The following ZNF644 variants were observed in gnomAD, a reference collection of about 807,000 sequenced individuals.
ZNF644 encodes zinc finger protein 644.
ZNF644 carries 20 observed loss-of-function variants against 108.0 expected under a neutral mutation model. The ratio of observed to expected loss-of-function variants is 0.19; its 90% CI spans 0.13 to 0.27. The LOEUF (loss-of-function observed/expected upper bound fraction) is 0.27. Among genes scored for constraint, ZNF644 ranks in the 10% least tolerant of loss-of-function variants. ZNF644 has a pLI of 1.00. For missense variants in ZNF644, 1,338 were observed against 1,548.9 expected, an observed-to-expected ratio of 0.86 and a Z score of 2.29; for synonymous variants, 542 against 539.1, an observed-to-expected ratio of 1.01 and a Z score of -0.08.
Position 91,022,021 on chromosome 1 carries a change from A to G in ZNF644, c.-49T>C, listed in dbSNP as rs1316961098. Reference sequence around the variant, plus strand: ...GTGCCGTGTGCGTCAAACCGGGGCGACGTTGGGAGCACGCGGCGTCCCCGC... The same window carrying G: ...GTGCCGTGTGCGTCAAACCGGGGCGGCGTTGGGAGCACGCGGCGTCCCCGC... On this transcript the variant is annotated 5_prime_UTR_variant, in exon 1 of 6. Coordinates refer to ENST00000337393, the MANE Select transcript of ZNF644 (RefSeq NM_201269.3). 8 of 398,694 alleles carry G rather than the reference A, an allele frequency of 2.0e-5. No homozygotes were observed. The highest frequency in any genetic ancestry group is 8.8e-5 in the Admixed American group (2 of 22,720). 24.7% of individuals were successfully genotyped at this position (398,694 alleles called of 1,614,324 possible).
intron 1 of ZNF644, among the ~76,000 whole-genome samples, chr1:90,999,676 C>T (rs1339990523): frequency 2.6e-5 from 4 of 152,172 alleles, no homozygotes; most frequent in East Asian, 1.9e-4. Context: ...GGCTCAAACT[C>T]GCACATAACA....
At chr1:90,971,319 G>T (rs1203158444) in intron 2 of ZNF644, among the ~76,000 whole-genome samples, 1 of 141,134 alleles carries the variant, frequency 7.1e-6, no homozygotes. Context: ...AAAAAAAAAA[G>T]ACAAAATTCA....
At chr1:90,962,109 C>G (rs528579409) in intron 2 of ZNF644, among the ~76,000 whole-genome samples, 1 of 152,138 alleles carries the variant, frequency 6.6e-6, no homozygotes, top group East Asian at 1.9e-4. Flanking sequence ...CACTCATGAA[C>G]TATAAGACCT....
intron 1 of ZNF644, among the ~76,000 whole-genome samples, chr1:91,015,212 G>A (rs1295624636): frequency 3.3e-5 from 5 of 152,024 alleles, no homozygotes; most frequent in Admixed American, 1.3e-4. Flanking sequence ...CTTAAAATCC[G>A]TGTTTGTGCT....
At chr1:90,996,364 T>C (rs1658143676) in intron 1 of ZNF644, among the ~76,000 whole-genome samples, 1 of 152,222 alleles carries the variant, frequency 6.6e-6, no homozygotes, top group South Asian at 2.1e-4. Flanking sequence ...CTCTGGAAAC[T>C]AGCCAAAGGC....
At chr1:90,987,521 G>T (rs774435003) in intron 1 of ZNF644, among the ~76,000 whole-genome samples, 10 of 152,020 alleles carry the variant, frequency 6.6e-5, no homozygotes, top group Non-Finnish European at 1.5e-5. Flanking sequence ...AGTAAACAGA[G>T]ATTGGATGCA....
chr1:90,990,292 A>T (rs1008111086), intron 1 of ZNF644, among the ~76,000 whole-genome samples: 1 of 152,208 alleles, frequency 6.6e-6, no homozygotes, highest in Admixed American at 6.5e-5. Flanking sequence ...TAAGATGGCA[A>T]ATTTACTGTT....
chr1:90,939,336 C>G lies in ZNF644; in HGVS notation c.2018G>C (p.Ser673Thr), dbSNP rs778949792. The G allele has an allele frequency of 6.2e-7, 1 of 1,613,998 alleles. No individual in the cohort carries two copies. Among genetic ancestry groups the G allele is most frequent in the Admixed American group, 1.7e-5 (1 of 59,998 alleles). The change falls in exon 3 of 6, where the codon AGT (serine) becomes ACT (threonine). Residue 673 changes from serine (S) to threonine (T), a missense_variant. This residue lies in a region of ZNF644 where 462 missense variants were observed against 472.6 expected (regional missense o/e 0.98). Coordinates refer to ENST00000337393, the MANE Select transcript of ZNF644 (RefSeq NM_201269.3). ...TGGCCGCTTATGAATTTTTGAAAAA[C>G]TACTTGATTGTGAGGTTGATCCAAA... The part of the protein sequence containing the change: ...RTFGSTSQSS[S>T]FSKIHKRPHR...
intron 2 of ZNF644, among the ~76,000 whole-genome samples, chr1:90,978,976 A>G (rs358689): frequency 0.35 from 53,956 of 152,072 alleles, 10,393 homozygotes; most frequent in Non-Finnish European, 0.44. Flanking sequence ...GAAGCTGCAG[A>G]AAGGAAAAGC....
intron 4 of ZNF644, among the ~76,000 whole-genome samples, chr1:90,927,395 T>G (rs1650167412): frequency 6.6e-6 from 1 of 152,194 alleles, no homozygotes; most frequent in Non-Finnish European, 1.5e-5. Context: ...AATAGCCTAA[T>G]TCTTGCTGGA....
chr1:90,941,129 A>G lies in ZNF644; in HGVS notation c.225T>C (p.Pro75=). 3.1e-6 allele frequency: 5 copies of G among 1,614,044 alleles called. No individual in the cohort carries two copies. The highest frequency in any genetic ancestry group is 4.2e-6 in the Non-Finnish European group (5 of 1,179,930). Residue 75 remains proline, a synonymous_variant, in exon 3 of 6, where the codon CCT becomes CCC. Coordinates refer to ENST00000337393, the MANE Select transcript of ZNF644 (RefSeq NM_201269.3). ...CAGATTTGTCCTTTGACAGTTCTTC[A>G]GGCAGAGTCAACGTATTATTTTTCT... ...SFQKNNTLTL[P]EELSKDKSEN...
At chr1:90,983,275 A>G (rs561043032) in intron 1 of ZNF644, among the ~76,000 whole-genome samples, 3 of 152,138 alleles carry the variant, frequency 2.0e-5, no homozygotes, top group Admixed American at 1.3e-4. Flanking sequence ...TCTAGAAAAG[A>G]TGAGATATTT....
Position 90,940,776 on chromosome 1 carries a change from T to A in ZNF644, c.578A>T (p.Lys193Ile), listed in dbSNP as rs1275581329. 2 of 1,613,976 alleles carry A rather than the reference T, an allele frequency of 1.2e-6. No homozygotes were observed. The highest frequency in any genetic ancestry group is 2.2e-5 in the South Asian group (2 of 91,078). The change falls in exon 3 of 6, where the codon AAA becomes ATA. Residue 193 changes from lysine to isoleucine, a missense_variant. Lys to Ile is a moderately radical substitution (Grantham distance 102). Transcript: ENST00000337393. ...ACCAACTGAAGCAGAGGTAGGTAGT[T>A]TTTTATTGGAATGGGTGGGATTCTT... The part of the protein sequence containing the change: ...HAKNPTHSNK[K>I]LPTSASVGCD...
In ZNF644 at chr1:90,934,053, T is replaced by C. The variant is rs945455710; in HGVS notation, c.3688+3432A>G. On this transcript the variant is annotated intron_variant, in intron 4 of 5. Transcript: ENST00000337393. ...TATGGTAACAATAATGATTTCCTAC[T>C]TGTATAGTCTCTTATTTTTATTGTT... Among the ~76,000 whole-genome samples the C allele has an allele frequency of 2.6e-5, 4 of 152,202 alleles. No individual in the cohort carries two copies. The East Asian group carries it at 7.7e-4, about 29-fold the overall frequency.
At chr1:90,918,215 A>T in intron 4 of ZNF644, 61 bp from the exon 5 acceptor site, 1 of 1,385,236 alleles carries the variant, frequency 7.2e-7, no homozygotes, top group Non-Finnish European at 1.0e-6. Flanking sequence ...ACATACACAC[A>T]TATTTTTCTA....
At chr1:90,966,022 C>T (rs1276088917) in intron 2 of ZNF644, among the ~76,000 whole-genome samples, 1 of 152,078 alleles carries the variant, frequency 6.6e-6, no homozygotes, top group Non-Finnish European at 1.5e-5. Flanking sequence ...AAGTGCCTGG[C>T]TTATAGGCAT....
chr1:90,929,172 C>A (rs1045330996), intron 4 of ZNF644, among the ~76,000 whole-genome samples: 3 of 151,922 alleles, frequency 2.0e-5, no homozygotes, highest in African/African-American at 7.3e-5. Context: ...ACAGTAAGGG[C>A]ATCAGAAAAA....
chr1:90,974,099 AGTCCACCCCAG>A (rs1655766863), intron 2 of ZNF644, among the ~76,000 whole-genome samples: 1 of 152,146 alleles, frequency 6.6e-6, no homozygotes, highest in African/African-American at 2.4e-5. Context: ...GGCTCTGCTA[AGTCCACCCCAG>A]TTTATCACCA....
chr1:91,019,590 G>A (rs544197800), intron 1 of ZNF644, among the ~76,000 whole-genome samples: 21 of 151,902 alleles, frequency 1.4e-4, no homozygotes, highest in African/African-American at 5.1e-4. Context: ...TTTTTGTTTT[G>A]AGATGTAGTC....
Sources: gnomAD v4.1 joint callset for allele counts (sites outside exome capture counted in the v4.1 genomes callset) on GRCh38, gnomAD v4.1.1 for gene constraint, gnomAD v4.1.1 regional missense constraint, MANE v1.5 for transcripts, NCBI Gene and HGNC (gene_info 2026-07-23, HGNC 2026-07-21) for gene names.